GPR137B: variants seen among roughly 807,000 people sequenced by gnomAD.
GPR137B encodes the protein G protein-coupled receptor 137B.
GPR137B carries 42 observed loss-of-function variants against 42.5 expected under a neutral mutation model. The observed-to-expected ratio is 0.99, with a 90% CI of 0.77 to 1.28. The LOEUF is 1.28. Among genes scored for constraint, GPR137B ranks in the 50% most tolerant of loss-of-function variants. The probability of loss-of-function intolerance (pLI) is 0.00; values close to 1 mark genes in which losing one functional copy is unlikely to be tolerated. For missense variants in GPR137B, 487 were observed against 493.9 expected, an observed-to-expected ratio of 0.99 and a Z score of 0.13; for synonymous variants, 218 against 209.7, an observed-to-expected ratio of 1.04 and a Z score of -0.34.
At chr1:236,192,504 T>G (rs1270465434) in intron 5 of GPR137B, among the ~76,000 whole-genome samples, 1 of 152,184 alleles carries the variant, frequency 6.6e-6, no homozygotes, top group East Asian at 1.9e-4. Context: ...GTCTGCGGGT[T>G]GTGAAGACTG....
At chr1:236,167,419 C>T (rs1662392665) in intron 1 of GPR137B, among the ~76,000 whole-genome samples, 1 of 152,126 alleles carries the variant, frequency 6.6e-6, no homozygotes, top group African/African-American at 2.4e-5. Flanking sequence ...CACAGAAAGA[C>T]AAATAGATCC....
intron 1 of GPR137B, among the ~76,000 whole-genome samples, chr1:236,146,323 A>G (rs1436054841): frequency 6.6e-6 from 1 of 152,216 alleles, no homozygotes; most frequent in Admixed American, 6.5e-5. Context: ...GGAGACTTGA[A>G]TGAGACATGA....
chr1:236,147,044 G>A (rs986049444), intron 1 of GPR137B, among the ~76,000 whole-genome samples: 45 of 152,290 alleles, frequency 3.0e-4, no homozygotes, highest in African/African-American at 1.1e-3. Flanking sequence ...CCTGACCTCA[G>A]GTGATCTGCC....
intron 1 of GPR137B, among the ~76,000 whole-genome samples, chr1:236,161,140 T>A (rs1662180623): frequency 6.6e-6 from 1 of 152,054 alleles, no homozygotes; most frequent in South Asian, 2.1e-4. Context: ...CTGATTTGCC[T>A]TCATTTTCAC....
At chr1:236,149,421 C>T (rs946728916) in intron 1 of GPR137B, among the ~76,000 whole-genome samples, 11 of 152,150 alleles carry the variant, frequency 7.2e-5, no homozygotes, top group Admixed American at 3.9e-4. Flanking sequence ...TTGCTACAGA[C>T]GCCACACTCT....
intron 6 of GPR137B, chr1:236,207,170 C>T (rs1663687423): frequency 1.0e-6 from 1 of 984,660 alleles, no homozygotes; most frequent in Non-Finnish European, 1.2e-6. Context: ...AGAATACATG[C>T]TTTCTCAGTG....
chr1:236,143,690 C>G (rs2102886021), intron 1 of GPR137B, among the ~76,000 whole-genome samples: 1 of 152,168 alleles, frequency 6.6e-6, no homozygotes, highest in South Asian at 2.1e-4. Context: ...TGAGAGGCCC[C>G]AAGAAAAGGC....
At chr1:236,202,290 G>A (rs1294033554) in intron 5 of GPR137B, among the ~76,000 whole-genome samples, 3 of 152,088 alleles carry the variant, frequency 2.0e-5, no homozygotes, top group Non-Finnish European at 4.4e-5. Flanking sequence ...GATGTTGGAG[G>A]CAGTAGAATT....
chr1:236,191,796 A>C (rs1663198465), intron 5 of GPR137B, among the ~76,000 whole-genome samples: 1 of 152,164 alleles, frequency 6.6e-6, no homozygotes, highest in Non-Finnish European at 1.5e-5. Context: ...GTCAGGATAC[A>C]TGGGGGTCAT....
At chr1:236,200,751 C>G (rs1268059368) in intron 5 of GPR137B, among the ~76,000 whole-genome samples, 2 of 151,968 alleles carry the variant, frequency 1.3e-5, no homozygotes, top group Non-Finnish European at 2.9e-5. Context: ...TTAGTTGAGT[C>G]TCTTGAAGAC....
intron 6 of GPR137B, 140 bp downstream of exon 6, chr1:236,205,390 T>A (rs1468903080): frequency 1.5e-6 from 1 of 675,086 alleles, no homozygotes. Flanking sequence ...CAGTAGATCA[T>A]TTTACTTATG....
intron 1 of GPR137B, among the ~76,000 whole-genome samples, chr1:236,159,483 G>A (rs1466966841): frequency 6.6e-6 from 1 of 152,020 alleles, no homozygotes; most frequent in Non-Finnish European, 1.5e-5. Flanking sequence ...GATCAACATT[G>A]TGAAACCCCG....
chr1:236,208,427 T>TTAAA lies in GPR137B; in HGVS notation c.*273_*276dup. The TTAAA allele has an allele frequency of 2.0e-6, 2 of 997,932 alleles. No homozygotes were observed. Among genetic ancestry groups the TTAAA allele is most frequent in the East Asian group, 7.8e-5 (2 of 25,504 alleles). The allele number at this position is 997,932 out of a possible 1,614,324, so 61.8% of individuals were successfully genotyped here. ...TTTATAAAGATGTATTTTGTATAAC[T>TTAAA]TAAATAATAATGCTAAAGTATACTA... On this transcript the variant is annotated 3_prime_UTR_variant, in exon 7 of 7. Coordinates refer to ENST00000366592, the MANE Select transcript of GPR137B (RefSeq NM_003272.4).
At chr1:236,154,753 G>A (rs202238547) in intron 1 of GPR137B, among the ~76,000 whole-genome samples, 4 of 152,144 alleles carry the variant, frequency 2.6e-5, no homozygotes, top group East Asian at 1.9e-4. Flanking sequence ...CTTTCCCTGC[G>A]AATTTATTTT....
In GPR137B at chr1:236,142,683, T is replaced by C; in HGVS notation, c.61T>C (p.Trp21Arg). 6.4e-7 allele frequency: 1 copy of C among 1,569,230 alleles called. No homozygotes were observed. Among genetic ancestry groups the C allele is most frequent in the South Asian group, 1.1e-5 (1 of 87,532 alleles). ...SAPGPMETPP[W>R]DPARNDSLPP... is the part of the protein sequence containing the mutation. ...CCCCGGCCCGATGGAGACCCCGCCG[T>C]GGGACCCAGCCCGCAACGACTCGCT... Residue 21 changes from tryptophan to arginine, a missense_variant, in exon 1 of 7, where the codon TGG (tryptophan) becomes CGG (arginine). By Grantham distance (101) the Trp-to-Arg change is moderately radical. Transcript: ENST00000366592.
At chr1:236,159,184 C>T (rs1662114335) in intron 1 of GPR137B, among the ~76,000 whole-genome samples, 1 of 151,998 alleles carries the variant, frequency 6.6e-6, no homozygotes, top group Non-Finnish European at 1.5e-5. Context: ...TGGGCTGCAC[C>T]TGTACATAGT....
At chr1:236,208,002 C>G in intron 6 of GPR137B, 48 bp from the exon 7 acceptor site, 1 of 1,345,180 alleles carries the variant, frequency 7.4e-7, no homozygotes, top group Non-Finnish European at 1.1e-6. Flanking sequence ...CTATGTCATA[C>G]ATACTATATA....
intron 3 of GPR137B, 112 bp from the exon 4 acceptor site, chr1:236,179,767 A>G: frequency 1.4e-6 from 1 of 695,002 alleles, no homozygotes; most frequent in Non-Finnish European, 2.4e-6. Flanking sequence ...ACAAGATCAC[A>G]GTGCTCTGAG....
At chr1:236,172,517 T>C (rs1662566426) in intron 2 of GPR137B, among the ~76,000 whole-genome samples, 1 of 152,222 alleles carries the variant, frequency 6.6e-6, no homozygotes, top group Non-Finnish European at 1.5e-5. Flanking sequence ...AGAGTTTTGC[T>C]GGAGTGGAAG....
Sources: allele counts gnomAD v4.1 joint callset (sites outside exome capture counted in the v4.1 genomes callset), GRCh38; gene constraint gnomAD v4.1.1; transcripts MANE v1.5; gene names NCBI Gene and HGNC (gene_info 2026-07-23, HGNC 2026-07-21).